SLFN5: variants seen among roughly 807,000 people sequenced by gnomAD.
The protein encoded by SLFN5 is schlafen family member 5.
In SLFN5, 34 loss-of-function variants were observed where a neutral mutation model predicts 48.5. The observed-to-expected ratio is 0.70, with a 90% CI of 0.53 to 0.93. The LOEUF (loss-of-function observed/expected upper bound fraction) is 0.93, where lower values mean the gene tolerates loss of function less well. SLFN5 is among the 40% of genes least tolerant of loss of function. The pLI is 0.00. For synonymous variants in SLFN5, 387 were observed against 396.2 expected (o/e 0.98, Z 0.28); for missense variants, 1,006 against 1,071.3 (o/e 0.94, Z 0.85).
At chr17:35,253,376 C>T (rs936781723) in intron 1 of SLFN5, among the ~76,000 whole-genome samples, 9 of 151,842 alleles carry the variant, frequency 5.9e-5, no homozygotes, top group Non-Finnish European at 8.8e-5. Context: ...CTCTCTCTCT[C>T]TTTTAAATCT....
In SLFN5 at chr17:35,269,927, G is replaced by C. The variant is rs991832857; in HGVS notation, c.*4039G>C. ...GGATTTCAAAACAACTTTAAAAATG[G>C]CTTCAAACATTTTATGCTTTTTGTA... On this transcript the variant is annotated 3_prime_UTR_variant, in exon 5 of 5. Transcript: ENST00000299977. The C allele has an allele frequency of 6.6e-6, 1 of 152,100 alleles. No homozygotes were observed. The allele number at this position is 152,100 out of a possible 1,614,324, so 9.4% of individuals were successfully genotyped here.
chr17:35,267,661 A>T lies in SLFN5; in HGVS notation c.*1773A>T, dbSNP rs969361983. On this transcript the variant is annotated 3_prime_UTR_variant, in exon 5 of 5. Coordinates refer to ENST00000299977, the MANE Select transcript of SLFN5 (RefSeq NM_144975.4). ...CTTGACCTCAGAAGTCTGAGGTTAC[A>T]GTGAGCTATGATCATACCAGTGCAC... is the stretch of plus-strand genomic sequence containing the variant. 3 of 152,232 alleles carry T rather than the reference A, an allele frequency of 2.0e-5. No homozygotes were observed. The highest frequency in any genetic ancestry group is 4.4e-5 in the Non-Finnish European group (3 of 68,058). 9.4% of individuals were successfully genotyped at this position (152,232 alleles called of 1,614,324 possible). A position where few individuals can be genotyped will look rare whatever the true frequency, so the allele number is the denominator to read the frequency against.
Position 35,258,787 on chromosome 17 carries a change from C to A in SLFN5, c.97C>A (p.Pro33Thr), listed in dbSNP as rs760862358. 1.9e-6 allele frequency: 3 copies of A among 1,614,050 alleles called. No individual in the cohort carries two copies. The South Asian group carries it at 3.3e-5, about 18-fold the overall frequency. The change falls in exon 2 of 5, where the codon CCT becomes ACT. Residue 33 changes from proline to threonine, a missense_variant. Physicochemically the swap from Pro to Thr is conservative, Grantham distance 38. Transcript: ENST00000299977. Reference protein sequence around the residue: ...LGTQQRQEMDPRLREKQNEII... With the variant: ...LGTQQRQEMDTRLREKQNEII... ...GACTCAGCAGAGGCAGGAGATGGACCCTCGCCTGCGGGAGAAACAGAATGA... is the reference window on the plus strand; with the variant it reads ...GACTCAGCAGAGGCAGGAGATGGACACTCGCCTGCGGGAGAAACAGAATGA...
intron 1 of SLFN5, among the ~76,000 whole-genome samples, chr17:35,251,635 AC>A (rs1300734789): frequency 2.1e-5 from 3 of 144,318 alleles, no homozygotes; most frequent in African/African-American, 7.8e-5. Flanking sequence ...TCAATCTCTG[AC>A]CTCGTGATCT....
Position 35,265,796 on chromosome 17 carries a change from G to A in SLFN5, c.2584G>A (p.Gly862Arg), listed in dbSNP as rs759740340. The A allele has an allele frequency of 4.3e-6, 7 of 1,614,034 alleles. No homozygotes were observed. The highest frequency in any genetic ancestry group is 5.9e-6 in the Non-Finnish European group (7 of 1,180,044). Residue 862 changes from glycine to arginine, a missense_variant, in exon 5 of 5, where the codon GGA becomes AGA. By Grantham distance (125) the Gly-to-Arg change is moderately radical (BLOSUM62 -2). Transcript: ENST00000299977. ...ERNIVFGINP[G>R]VAPPAGAYNL... ...AAATATCGTGTTTGGAATCAATCCA[G>A]GAGTAGCCCCACCGGCTGGGGCCTA...
rs1904797367 is a variant in SLFN5 at position 35,270,210 on chromosome 17, TAGTTGATGAGTTTATG to T, written c.*4326_*4341del. 1 of 152,232 alleles carries T rather than the reference TAGTTGATGAGTTTATG, an allele frequency of 6.6e-6. No homozygotes were observed. 9.4% of individuals were successfully genotyped at this position (152,232 alleles called of 1,614,324 possible). On this transcript the variant is annotated 3_prime_UTR_variant, in exon 5 of 5. Transcript: ENST00000299977. Reference sequence around the variant, plus strand: ...GAATATTATTAACCTTGAATATTTCTAGTTGATGAGTTTATGAGTGATTTATTGCTTCCTTTTCTCT... The same window carrying T: ...GAATATTATTAACCTTGAATATTTCTAGTGATTTATTGCTTCCTTTTCTCT...
At position 35,264,523 on chromosome 17, in the gene SLFN5, G is replaced by A. The variant is rs748922722; in HGVS notation, c.1479G>A (p.Leu493=). The change falls in exon 4 of 5, where the codon TTG becomes TTA. Residue 493 remains leucine (L), a synonymous_variant. Transcript: ENST00000299977. ...GYTGRLCITP[L]VCVLNSDRKA... ...CTGGGAGGTTATGCATCACCCCCTT[G>A]GTCTGTGTGCTGAATTCTGATAGAA... 1 of 1,614,080 alleles carries A rather than the reference G, an allele frequency of 6.2e-7. No individual in the cohort carries two copies. The highest frequency in any genetic ancestry group is 8.5e-7 in the Non-Finnish European group (1 of 1,180,014).
intron 1 of SLFN5, among the ~76,000 whole-genome samples, chr17:35,252,661 C>T (rs1376063345): frequency 2.0e-5 from 3 of 151,484 alleles, no homozygotes; most frequent in Non-Finnish European, 4.4e-5. Context: ...GTTTGTGTAA[C>T]ATCTTAGATT....
At chr17:35,263,885 A>G (rs532608761) in intron 3 of SLFN5, among the ~76,000 whole-genome samples, 33 of 151,816 alleles carry the variant, frequency 2.2e-4, no homozygotes, top group African/African-American at 8.0e-4. Context: ...TTCCTTCTTC[A>G]TAAAGACTTT....
At chr17:35,254,402 G>T (rs1054370909) in intron 1 of SLFN5, among the ~76,000 whole-genome samples, 1 of 152,174 alleles carries the variant, frequency 6.6e-6, no homozygotes, top group African/African-American at 2.4e-5. Context: ...ACATCCAGGG[G>T]ATTTTTAAAC....
Position 35,265,446 on chromosome 17 carries a change from T to G in SLFN5, c.2234T>G (p.Leu745Arg). The G allele has an allele frequency of 6.2e-7, 1 of 1,614,204 alleles. No individual in the cohort carries two copies. The highest frequency in any genetic ancestry group is 8.5e-7 in the Non-Finnish European group (1 of 1,180,038). The change falls in exon 5 of 5, where the codon CTC becomes CGC. Residue 745 changes from leucine to arginine, a missense_variant. Coordinates refer to ENST00000299977, the MANE Select transcript of SLFN5 (RefSeq NM_144975.4). ...CTCCCCCCTGGGTCCCTGGTGATGCTCTATGAACCTAAATGGGCTCAAGGT... is the reference window on the plus strand; with the variant it reads ...CTCCCCCCTGGGTCCCTGGTGATGCGCTATGAACCTAAATGGGCTCAAGGT... Reference protein sequence around the residue: ...PNLPPGSLVMLYEPKWAQGVP... With the variant: ...PNLPPGSLVMRYEPKWAQGVP...
chr17:35,264,390 C>G lies in SLFN5; in HGVS notation c.1346C>G (p.Thr449Ser). 6.2e-7 allele frequency: 1 copy of G among 1,614,170 alleles called. No individual in the cohort carries two copies. Among genetic ancestry groups the G allele is most frequent in the Non-Finnish European group, 8.5e-7 (1 of 1,180,048 alleles). The change falls in exon 4 of 5, where the codon ACC (threonine) becomes AGC (serine). Residue 449 changes from threonine to serine, a missense_variant. Thr to Ser is a moderately conservative substitution (Grantham distance 58). Transcript: ENST00000299977. ...CDALLISQNN[T>S]PILYTIFSKW... ...GCTCTTCTAATTTCCCAGAACAACA[C>G]CCCTATTCTCTACACCATCTTCAGC...
At chr17:35,243,647 G>A (rs74746733) in intron 1 of SLFN5, among the ~76,000 whole-genome samples, 1 of 152,314 alleles carries the variant, frequency 6.6e-6, no homozygotes, top group African/African-American at 2.4e-5. Context: ...ACAGGGGCAG[G>A]CTACTAGGGT....
intron 1 of SLFN5, among the ~76,000 whole-genome samples, chr17:35,253,468 C>T (rs1025993906): frequency 4.0e-5 from 6 of 151,794 alleles, no homozygotes. Context: ...ATCCACTGGG[C>T]TCAGGAGATC....
intron 2 of SLFN5, 116 bp downstream of exon 2, chr17:35,259,818 T>A: frequency 1.6e-6 from 2 of 1,254,946 alleles, no homozygotes; most frequent in Non-Finnish European, 2.2e-6. Flanking sequence ...ATTTACTCTC[T>A]GATTTGCAAT....
At chr17:35,251,588 G>C (rs2092442556) in intron 1 of SLFN5, among the ~76,000 whole-genome samples, 1 of 149,006 alleles carries the variant, frequency 6.7e-6, no homozygotes, top group Non-Finnish European at 1.5e-5. Flanking sequence ...TGTATTTTTA[G>C]TAGAGACGGG....
In SLFN5 at chr17:35,265,813, T is replaced by G; in HGVS notation, c.2601T>G (p.Ala867=). ...FGINPGVAPP[A]GAYNLLLCLA... ...TCAATCCAGGAGTAGCCCCACCGGC[T>G]GGGGCCTACAATCTTCTGCTCTGTT... Residue 867 remains alanine, a synonymous_variant, in exon 5 of 5, where the codon GCT becomes GCG. Transcript: ENST00000299977. 6.2e-7 allele frequency: 1 copy of G among 1,614,196 alleles called. No individual in the cohort carries two copies. The highest frequency in any genetic ancestry group is 8.5e-7 in the Non-Finnish European group (1 of 1,180,046).
In SLFN5 at chr17:35,267,265, G is replaced by C. The variant is rs1205296123; in HGVS notation, c.*1377G>C. ...TCTGAATAAATCCAGATCACAGACT[G>C]TTCCTTTACCAATATGTAAAAGAAT... On this transcript the variant is annotated 3_prime_UTR_variant, in exon 5 of 5. Transcript: ENST00000299977. 3.3e-5 allele frequency: 5 copies of C among 152,268 alleles called. No individual in the cohort carries two copies. The highest frequency in any genetic ancestry group is 7.3e-5 in the Non-Finnish European group (5 of 68,032). 9.4% of individuals were successfully genotyped at this position (152,268 alleles called of 1,614,324 possible). A position where few individuals can be genotyped will look rare whatever the true frequency, so the allele number is the denominator to read the frequency against.
rs745897225 is a variant in SLFN5, at chr17:35,259,177, C to A, written c.487C>A (p.Gln163Lys). The A allele has an allele frequency of 1.9e-6, 3 of 1,613,898 alleles. No individual in the cohort carries two copies. In the Admixed American group the frequency reaches 5.0e-5, roughly 27 times the overall value. Residue 163 changes from glutamine to lysine, a missense_variant, in exon 2 of 5, where the codon CAA becomes AAA. Coordinates refer to ENST00000299977, the MANE Select transcript of SLFN5 (RefSeq NM_144975.4). ...LGPQAAQGSV[Q>K]YEGNINVSAA... Reference sequence around the variant, plus strand: ...TCCACAGGCAGCTCAGGGTAGTGTACAATATGAAGGTAACATAAATGTGTC... The same window carrying A: ...TCCACAGGCAGCTCAGGGTAGTGTAAAATATGAAGGTAACATAAATGTGTC...
Sources: gnomAD v4.1 joint callset for allele counts (sites outside exome capture counted in the v4.1 genomes callset) on GRCh38, gnomAD v4.1.1 for gene constraint, MANE v1.5 for transcripts, NCBI Gene and HGNC (gene_info 2026-07-23, HGNC 2026-07-21) for gene names.